CDH18: variants seen among roughly 807,000 people sequenced by gnomAD.
CDH18 encodes cadherin 18.
In CDH18, 31 loss-of-function variants were observed where a neutral mutation model predicts 67.9. The observed-to-expected ratio is 0.46, with a 90% CI of 0.34 to 0.62. CDH18 has a LOEUF of 0.62. Among genes scored for constraint, CDH18 ranks in the 20% least tolerant of loss-of-function variants. The pLI is 0.01. For missense variants in CDH18, 890 were observed against 975.5 expected, an observed-to-expected ratio of 0.91 and a Z score of 1.17; for synonymous variants, 362 against 347.2, an observed-to-expected ratio of 1.04 and a Z score of -0.48.
intron 1 of CDH18, among the ~76,000 whole-genome samples, chr5:20,537,304 G>C (rs1756780160): frequency 6.6e-6 from 1 of 152,070 alleles, no homozygotes; most frequent in South Asian, 2.1e-4. Context: ...CAAAATGTTT[G>C]TGATTACAAT....
At position 19,544,875 on chromosome 5, in the gene CDH18, G is replaced by A. The variant is rs185444134; in HGVS notation, c.1254-870C>T. Among the ~76,000 whole-genome samples, 219 of 152,218 alleles carry A rather than the reference G, an allele frequency of 1.4e-3. 1 individual carries two copies. Among genetic ancestry groups the A allele is most frequent in the African/African-American group, 5.1e-3 (210 of 41,546 alleles). ...CAATCTAGTAAATGTGCAGATGCAC[G>A]ATGGAGTGCCCCAGAGATAAACAGA... On this transcript the variant is annotated intron_variant, in intron 8 of 12. Coordinates refer to ENST00000382275, the MANE Select transcript of CDH18 (RefSeq NM_004934.5).
chr5:19,875,612 A>G (rs1399621046), intron 2 of CDH18, among the ~76,000 whole-genome samples: 1 of 151,978 alleles, frequency 6.6e-6, no homozygotes, highest in Non-Finnish European at 1.5e-5. Context: ...TTTTATATAT[A>G]TACATATATA....
At chr5:19,816,436 C>T (rs1355308929) in intron 3 of CDH18, among the ~76,000 whole-genome samples, 1 of 151,864 alleles carries the variant, frequency 6.6e-6, no homozygotes, top group East Asian at 1.9e-4. Flanking sequence ...ATTTATGAAG[C>T]ATATTGCCAG....
intron 2 of CDH18, among the ~76,000 whole-genome samples, chr5:20,241,879 A>AAT (rs1300027440): frequency 1.6e-4 from 14 of 85,470 alleles, no homozygotes; most frequent in African/African-American, 6.2e-4. Context: ...AATAAAATAA[A>AAT]ATATATATAT....
chr5:19,987,152 A>T (rs949269364), intron 1 of CDH18, among the ~76,000 whole-genome samples: 3 of 152,178 alleles, frequency 2.0e-5, no homozygotes, highest in Admixed American at 1.3e-4. Flanking sequence ...AAATGCAATG[A>T]GACATTGAAA....
intron 1 of CDH18, among the ~76,000 whole-genome samples, chr5:20,426,529 T>A (rs889606864): frequency 6.6e-6 from 1 of 151,204 alleles, no homozygotes; most frequent in Admixed American, 6.6e-5. Context: ...CTTTCCACTT[T>A]TTAATCCACT....
rs190768481 is a variant in CDH18 at position 20,517,148 on chromosome 5, A to T, written c.-580+58314T>A. On this transcript the variant is annotated intron_variant, in intron 1 of 14. Coordinates refer to the CDH18 transcript ENST00000507958. ...TCATGCTTGGGATTAGAACAAAATC[A>T]GTCAAATTATCATCTATATCCTAAT... 4.9e-3 allele frequency among the ~76,000 whole-genome samples: 752 copies of T among 152,000 alleles called. 8 individuals are homozygous for T. The highest frequency in any genetic ancestry group is 0.017 in the African/African-American group (719 of 41,546).
At chr5:20,105,328 G>A (rs370702265) in intron 2 of CDH18, among the ~76,000 whole-genome samples, 1 of 152,052 alleles carries the variant, frequency 6.6e-6, no homozygotes, top group East Asian at 1.9e-4. Context: ...TGGGAGTTAT[G>A]TACATAGAAA....
intron 1 of CDH18, among the ~76,000 whole-genome samples, chr5:20,495,922 C>T (rs1340024025): frequency 6.6e-6 from 1 of 152,066 alleles, no homozygotes; most frequent in African/African-American, 2.4e-5. Context: ...TGGAATACAA[C>T]TTGACTAAGT....
intron 2 of CDH18, among the ~76,000 whole-genome samples, chr5:20,098,216 A>G (rs1746156040): frequency 1.3e-5 from 2 of 152,242 alleles, no homozygotes; most frequent in Middle Eastern, 3.5e-3. Flanking sequence ...ATCCTAGCCT[A>G]TAAAACACTT....
intron 5 of CDH18, among the ~76,000 whole-genome samples, chr5:19,620,541 T>G (rs1750535433): frequency 6.6e-6 from 1 of 151,096 alleles, no homozygotes; most frequent in East Asian, 2.0e-4. Flanking sequence ...AAAAGAGAAA[T>G]AAAGAGGAGG....
rs555069933 is a variant in CDH18 at position 19,472,529 on chromosome 5, C to T, written c.*697G>A. ...TCCCATTAAAATAAAAGGGGGTGTA[C>T]GGGATAGAGACAATAGTCTCGTGCT... On this transcript the variant is annotated 3_prime_UTR_variant, in exon 13 of 13. Transcript: ENST00000382275. Among the ~76,000 whole-genome samples the T allele has an allele frequency of 9.2e-5, 14 of 152,112 alleles. No homozygotes were observed. The highest frequency in any genetic ancestry group is 2.1e-4 in the South Asian group (1 of 4,818).
intron 1 of CDH18, among the ~76,000 whole-genome samples, chr5:20,284,120 G>A (rs1580664890): frequency 6.6e-6 from 1 of 151,932 alleles, no homozygotes; most frequent in Non-Finnish European, 1.5e-5. Flanking sequence ...GCGGGGAGTG[G>A]GCCAGGGAGA....
intron 1 of CDH18, among the ~76,000 whole-genome samples, chr5:19,983,651 C>A (rs1182519319): frequency 6.6e-6 from 1 of 152,154 alleles, no homozygotes; most frequent in Non-Finnish European, 1.5e-5. Context: ...CTAGTATCCA[C>A]AAAAGCAACA....
chr5:20,091,435 G>A (rs767938960), intron 2 of CDH18, among the ~76,000 whole-genome samples: 9 of 151,998 alleles, frequency 5.9e-5, no homozygotes, highest in Non-Finnish European at 1.3e-4. Context: ...AAGCTGCAGC[G>A]AGCCATAATT....
At chr5:19,649,697 G>C (rs951613349) in intron 5 of CDH18, among the ~76,000 whole-genome samples, 1 of 151,762 alleles carries the variant, frequency 6.6e-6, no homozygotes, top group African/African-American at 2.4e-5. Context: ...CATCAAAAAG[G>C]TCTCATCATA....
chr5:20,531,045 T>C (rs952824942), intron 1 of CDH18, among the ~76,000 whole-genome samples: 1 of 151,544 alleles, frequency 6.6e-6, no homozygotes, highest in Non-Finnish European at 1.5e-5. Context: ...TTACAAAAAA[T>C]AAAACAAACA....
rs200896741 is a variant in CDH18 at position 19,689,394 on chromosome 5, A to T, written c.643+31953T>A. Among the ~76,000 whole-genome samples the T allele has an allele frequency of 4.8e-4, 72 of 151,470 alleles. 1 individual carries two copies. The East Asian group carries it at 7.9e-3, about 17-fold the overall frequency. ...ATATTCAAAGGGCTAAAAGAAAATTAAAAAAAAATTGGCAATCAAGATTAC... is the reference window on the plus strand; with the variant it reads ...ATATTCAAAGGGCTAAAAGAAAATTTAAAAAAAATTGGCAATCAAGATTAC... On this transcript the variant is annotated intron_variant, in intron 5 of 12. Coordinates refer to ENST00000382275, the MANE Select transcript of CDH18 (RefSeq NM_004934.5).
At chr5:20,503,237 TTTC>T (rs1754448973) in intron 1 of CDH18, among the ~76,000 whole-genome samples, 1 of 111,652 alleles carries the variant, frequency 9.0e-6, no homozygotes, top group Non-Finnish European at 2.0e-5. Flanking sequence ...TAGCTTTTTA[TTTC>T]TTTTTTTTTT....
Sources: gnomAD v4.1 joint callset for allele counts (sites outside exome capture counted in the v4.1 genomes callset) on GRCh38, gnomAD v4.1.1 for gene constraint, MANE v1.5 for transcripts, NCBI Gene and HGNC (gene_info 2026-07-23, HGNC 2026-07-21) for gene names.